The following ENKUR variants were observed in gnomAD, a reference collection of about 807,000 sequenced individuals.
The protein encoded by ENKUR is enkurin.
ENKUR carries 19 observed loss-of-function variants against 27.6 expected under a neutral mutation model. That is an observed-to-expected ratio of 0.69 (90% CI 0.48 to 1.01). The LOEUF (loss-of-function observed/expected upper bound fraction) is 1.01. Among genes scored for constraint, ENKUR ranks in the 50% least tolerant of loss-of-function variants. The probability of loss-of-function intolerance (pLI) is 0.00; values close to 1 mark genes in which losing one functional copy is unlikely to be tolerated. For synonymous variants in ENKUR, 117 were observed against 96.9 expected, an observed-to-expected ratio of 1.21 and a Z score of -1.22; for missense variants, 312 against 310.5, an observed-to-expected ratio of 1.00 and a Z score of -0.04.
chr10:25,026,489 AC>A (rs1223777242), intron 2 of ENKUR: 3 of 166,940 alleles, frequency 1.8e-5, no homozygotes, highest in Non-Finnish European at 2.9e-5. Flanking sequence ...GTCAATTCTT[AC>A]GTAATTTGTT....
intron 2 of ENKUR, among the ~76,000 whole-genome samples, chr10:25,059,096 A>C (rs1851297169): frequency 7.3e-6 from 1 of 137,418 alleles, no homozygotes. Flanking sequence ...AGGGCACTTC[A>C]TTGATGTTTG....
At chr10:25,041,455 G>C (rs1851063502) in intron 2 of ENKUR, among the ~76,000 whole-genome samples, 1 of 151,804 alleles carries the variant, frequency 6.6e-6, no homozygotes, top group Admixed American at 6.6e-5. Context: ...AAAGCTTTTG[G>C]CCAATATGTC....
chr10:25,050,926 G>A (rs932499165), intron 2 of ENKUR, among the ~76,000 whole-genome samples: 3 of 152,098 alleles, frequency 2.0e-5, no homozygotes, highest in Non-Finnish European at 4.4e-5. Context: ...ATTAACATGG[G>A]TCACCTTTGT....
In ENKUR at chr10:24,995,868, T is replaced by G. The variant is rs1229244872; in HGVS notation, c.225A>C (p.Lys75Asn). ...KHSKEKTLPPKKNFDRNVPKK... is the reference protein window; with the variant it reads ...KHSKEKTLPPNKNFDRNVPKK... ...TGGGCACGTTCCGATCAAAGTTTTT[T>G]TCTGTTAAATATAACATTTCTTTGT... The change falls in exon 3 of 6, where the codon AAA becomes AAC. Residue 75 changes from lysine to asparagine, a missense_variant and splice_region_variant. Transcript: ENST00000331161. 6.3e-7 allele frequency: 1 copy of G among 1,599,828 alleles called. No individual in the cohort carries two copies. Among genetic ancestry groups the G allele is most frequent in the Non-Finnish European group, 8.5e-7 (1 of 1,175,682 alleles).
intron 1 of ENKUR, among the ~76,000 whole-genome samples, chr10:24,999,812 T>C (rs1564339523): frequency 6.6e-6 from 1 of 152,190 alleles, no homozygotes. Context: ...TCGATAGTGA[T>C]GTCACCCCTC....
intron 1 of ENKUR, among the ~76,000 whole-genome samples, chr10:25,062,013 G>C (rs1851334587): frequency 6.6e-6 from 1 of 152,120 alleles, no homozygotes; most frequent in Non-Finnish European, 1.5e-5. Context: ...ATAACGTAAC[G>C]ATAACGACTA....
At chr10:24,997,563 A>AT (rs1206374738) in intron 2 of ENKUR, among the ~76,000 whole-genome samples, 21 of 151,680 alleles carry the variant, frequency 1.4e-4, no homozygotes, top group African/African-American at 5.1e-4. Flanking sequence ...ATTAAAAAAA[A>AT]TTTTTTATAG....
chr10:24,984,814 C>T lies in ENKUR; in HGVS notation c.686G>A (p.Arg229Lys), dbSNP rs747329813. Reference protein sequence around the residue: ...DSIPKKIRKQRLEEEMKQLEH... With the variant: ...DSIPKKIRKQKLEEEMKQLEH... ...TAGTTGTTTCATTTCTTCTTCCAGC[C>T]TCTGCTTGCGGATCTTCTTTGGTAT... Residue 229 changes from arginine to lysine, a missense_variant, in exon 5 of 6, where the codon AGG becomes AAG. Transcript: ENST00000331161. The T allele has an allele frequency of 5.0e-6, 8 of 1,613,706 alleles. No individual in the cohort carries two copies. In the South Asian group the frequency reaches 8.8e-5, roughly 18 times the overall value.
intron 1 of ENKUR, among the ~76,000 whole-genome samples, chr10:25,005,129 T>A (rs112208762): frequency 0.017 from 2,588 of 152,264 alleles, 69 homozygotes; most frequent in African/African-American, 0.059. Context: ...TGTCTGTTCT[T>A]GTACCAGTAC....
chr10:25,012,157 G>A (rs528450033), intron 1 of ENKUR, among the ~76,000 whole-genome samples: 43 of 152,358 alleles, frequency 2.8e-4, no homozygotes, highest in Non-Finnish European at 5.3e-4. Context: ...CAAGAATTGA[G>A]GTTTGGGAAC....
intron 2 of ENKUR, chr10:25,025,127 C>G (rs372900675): frequency 6.2e-7 from 1 of 1,614,024 alleles, no homozygotes; most frequent in Non-Finnish European, 8.5e-7. Flanking sequence ...TATAATACTT[C>G]AGGGTATATT....
At chr10:24,986,172 G>A (rs1849774359) in intron 4 of ENKUR, among the ~76,000 whole-genome samples, 1 of 152,212 alleles carries the variant, frequency 6.6e-6, no homozygotes, top group Non-Finnish European at 1.5e-5. Context: ...AGGATTACAA[G>A]TGTCTTATAT....
intron 2 of ENKUR, among the ~76,000 whole-genome samples, chr10:25,022,294 T>A (rs1410481354): frequency 6.6e-6 from 1 of 152,198 alleles, no homozygotes; most frequent in Non-Finnish European, 1.5e-5. Context: ...TCTCTCATCA[T>A]TGGAAACATT....
At chr10:24,985,901 C>T in intron 4 of ENKUR, among the ~76,000 whole-genome samples, 1 of 152,088 alleles carries the variant, frequency 6.6e-6, no homozygotes, top group East Asian at 1.9e-4. Context: ...AACCCTGTCG[C>T]TACAAAAAAT....
upstream of ENKUR, among the ~76,000 whole-genome samples, chr10:25,018,371 C>T (rs1850651283): frequency 6.6e-6 from 1 of 152,186 alleles, no homozygotes; most frequent in Non-Finnish European, 1.5e-5. Flanking sequence ...TATATACCTA[C>T]AGGGATGAAC....
intron 2 of ENKUR, among the ~76,000 whole-genome samples, chr10:24,996,450 G>A (rs1488648899): frequency 6.8e-6 from 1 of 146,258 alleles, no homozygotes; most frequent in Non-Finnish European, 1.5e-5. Context: ...GTGTGTGTGT[G>A]TGTGTGTATA....
At chr10:25,023,388 CA>C in intron 2 of ENKUR, 1 of 1,614,070 alleles carries the variant, frequency 6.2e-7, no homozygotes, top group African/African-American at 1.3e-5. Flanking sequence ...TTGTTGGAGA[CA>C]AAAATATTAT....
At chr10:25,033,845 ATC>A (rs1320874832) in intron 2 of ENKUR, among the ~76,000 whole-genome samples, 4 of 151,232 alleles carry the variant, frequency 2.6e-5, no homozygotes, top group African/African-American at 9.7e-5. Context: ...CTATCTATCT[ATC>A]TATCTATCTA....
chr10:25,052,930 T>A (rs935147650), intron 2 of ENKUR, among the ~76,000 whole-genome samples: 2 of 151,982 alleles, frequency 1.3e-5, no homozygotes, highest in Non-Finnish European at 2.9e-5. Flanking sequence ...CCACCATGCC[T>A]GGCTAATTTT....
Sources: allele counts gnomAD v4.1 joint callset (sites outside exome capture counted in the v4.1 genomes callset), GRCh38; gene constraint gnomAD v4.1.1; transcripts MANE v1.5; gene names NCBI Gene and HGNC (gene_info 2026-07-23, HGNC 2026-07-21).